TRANK1: variants seen among roughly 807,000 people sequenced by gnomAD.
The protein encoded by TRANK1 is tetratricopeptide repeat and ankyrin repeat containing 1, also known as TPR and ankyrin repeat-containing protein 1.
Under a neutral mutation model 266.0 loss-of-function variants are expected in TRANK1, and 198 were observed. That is an observed-to-expected ratio of 0.74 (90% confidence interval 0.66 to 0.84). The LOEUF (loss-of-function observed/expected upper bound fraction) is 0.84. Among genes scored for constraint, TRANK1 ranks in the 40% least tolerant of loss-of-function variants. The probability of loss-of-function intolerance (pLI) is 0.00; values close to 1 mark genes in which losing one functional copy is unlikely to be tolerated. For missense variants in TRANK1, 3,326 were observed against 3,634.6 expected (o/e 0.92, Z 2.18); for synonymous variants, 1,396 against 1,384.1 (o/e 1.01, Z -0.19).
chr3:36,845,822 G>A lies in TRANK1; in HGVS notation c.5191+426C>T, dbSNP rs149559348. ...TTGTAACTACAAACAGGGTTGTGAT[G>A]AGCATACTTACGCAGGTATCTTTGA... is the stretch of plus-strand genomic sequence containing the variant. On this transcript the variant is annotated intron_variant, in intron 17 of 23. Transcript: ENST00000645898. Among the ~76,000 whole-genome samples the A allele has an allele frequency of 7.2e-5, 11 of 152,312 alleles. 1 individual carries two copies. Among genetic ancestry groups the A allele is most frequent in the African/African-American group, 2.6e-4 (11 of 41,564 alleles).
rs766778275 is a variant in TRANK1 at position 36,857,532 on chromosome 3, G to A, written c.2190C>T (p.Asp730=). The part of the protein sequence containing the change: ...PGALRPCSLR[D]CLMQDITVLI... The stretch of plus-strand genomic sequence containing the variant: ...AAACTGTGATGTCCTGCATAAGGCA[G>A]TCTCTCAGCGAGCAGGGCCTGAGAG... Residue 730 remains aspartate, a synonymous_variant, in exon 13 of 24, where the codon GAC becomes GAT. Coordinates refer to ENST00000645898, the MANE Select transcript of TRANK1 (RefSeq NM_001329998.2). This position sits in a 1 kb window ranked among gnomAD's most constrained non-coding sequence, Gnocchi z 4.3. 2.5e-6 allele frequency: 4 copies of A among 1,613,916 alleles called. No homozygotes were observed. Among genetic ancestry groups the A allele is most frequent in the African/African-American group, 1.3e-5 (1 of 74,942 alleles).
At chr3:36,894,991 A>T (rs1261026465) in intron 5 of TRANK1, among the ~76,000 whole-genome samples, 1 of 152,232 alleles carries the variant, frequency 6.6e-6, no homozygotes, top group Admixed American at 6.5e-5. Context: ...ACATTACCTG[A>T]TAGGTGCTCT....
chr3:36,934,995 C>T (rs1223028433), intron 1 of TRANK1, among the ~76,000 whole-genome samples: 1 of 152,166 alleles, frequency 6.6e-6, no homozygotes, highest in Non-Finnish European at 1.5e-5. Context: ...CCAGCATGGC[C>T]TCTTCACCAC....
chr3:36,846,219 C>A, intron 17 of TRANK1, 29 bp downstream of exon 17: 1 of 1,535,964 alleles, frequency 6.5e-7, no homozygotes, highest in Non-Finnish European at 8.8e-7. Context: ...ATTCCTCCAT[C>A]AGTTAAGAGT....
At chr3:36,879,938 G>GTAAATATATAAATATATA (rs2079489698) in intron 8 of TRANK1, among the ~76,000 whole-genome samples, 2 of 12,414 alleles carry the variant, frequency 1.6e-4, no homozygotes, top group Non-Finnish European at 2.8e-4. Flanking sequence ...GCAAATATAT[G>GTAAATATATAAATATATA]TAAACATGCA....
intron 3 of TRANK1, among the ~76,000 whole-genome samples, chr3:36,900,846 T>G (rs1297127548): frequency 7.7e-5 from 1 of 13,064 alleles, no homozygotes; most frequent in African/African-American, 2.5e-4. Flanking sequence ...AGCAAGACCC[T>G]GTCTCAAAAA....
At chr3:36,907,630 A>G (rs2079991542) in intron 2 of TRANK1, among the ~76,000 whole-genome samples, 1 of 149,882 alleles carries the variant, frequency 6.7e-6, no homozygotes, top group Non-Finnish European at 1.5e-5. Flanking sequence ...ACACCCGGCT[A>G]ATCTGTTGTA....
intron 8 of TRANK1, among the ~76,000 whole-genome samples, chr3:36,882,688 CAA>C (rs978130181): frequency 2.5e-4 from 38 of 152,168 alleles, no homozygotes; most frequent in African/African-American, 9.2e-4. Flanking sequence ...CAAAAAACAA[CAA>C]AGTCAGAAGA....
intron 1 of TRANK1, among the ~76,000 whole-genome samples, chr3:36,930,387 C>T (rs1263374184): frequency 6.6e-6 from 1 of 152,158 alleles, no homozygotes; most frequent in Non-Finnish European, 1.5e-5. Flanking sequence ...TCTTTGCAGA[C>T]TTTCCCGGTA....
intron 1 of TRANK1, among the ~76,000 whole-genome samples, chr3:36,918,637 A>AAG (rs1178187048): frequency 7.2e-6 from 1 of 139,248 alleles, no homozygotes; most frequent in East Asian, 2.1e-4. Flanking sequence ...GAAAGAAAGA[A>AAG]AGAGAAAGAA....
intron 1 of TRANK1, among the ~76,000 whole-genome samples, chr3:36,943,100 G>C (rs2080519980): frequency 6.6e-6 from 1 of 151,908 alleles, no homozygotes; most frequent in Non-Finnish European, 1.5e-5. Flanking sequence ...GCTGCGGCAG[G>C]AGAATCGCTT....
intron 9 of TRANK1, among the ~76,000 whole-genome samples, chr3:36,869,465 C>T (rs2079274378): frequency 6.6e-6 from 1 of 152,166 alleles, no homozygotes; most frequent in South Asian, 2.1e-4. Context: ...AACTCAAATC[C>T]TAATGTTATT....
chr3:36,857,627 C>T lies in TRANK1; in HGVS notation c.2095G>A (p.Glu699Lys), dbSNP rs1217574188. 1.9e-6 allele frequency: 3 copies of T among 1,613,918 alleles called. No individual in the cohort carries two copies. ...CAGCTGTCAGGGACTGCACTTCCTTCAGGCAGTGTTCTGGCAGTGGCACCA... is the reference window on the plus strand; with the variant it reads ...CAGCTGTCAGGGACTGCACTTCCTTTAGGCAGTGTTCTGGCAGTGGCACCA... The part of the protein sequence containing the change: ...PCGATARTLP[E>K]GSAVPDSWET... Residue 699 changes from glutamate (E) to lysine (K), a missense_variant, in exon 13 of 24, where the codon GAA (glutamate) becomes AAA (lysine). By Grantham distance (56) the Glu-to-Lys change is moderately conservative. Transcript: ENST00000645898. The surrounding 1 kb of genome is among the most constrained non-coding windows in gnomAD (Gnocchi z 4.3).
At chr3:36,887,416 T>G (rs2125599102) in intron 8 of TRANK1, among the ~76,000 whole-genome samples, 1 of 152,330 alleles carries the variant, frequency 6.6e-6, no homozygotes, top group Admixed American at 6.5e-5. Flanking sequence ...TTTACATCTA[T>G]CTTAAAATGT....
chr3:36,923,111 G>A (rs1275370481), intron 1 of TRANK1, among the ~76,000 whole-genome samples: 1 of 152,132 alleles, frequency 6.6e-6, no homozygotes, highest in African/African-American at 2.4e-5. Flanking sequence ...TGCAGCCTAA[G>A]AACCATCCTA....
chr3:36,922,218 C>T (rs1466963365), intron 1 of TRANK1, among the ~76,000 whole-genome samples: 1 of 152,188 alleles, frequency 6.6e-6, no homozygotes, highest in Non-Finnish European at 1.5e-5. Flanking sequence ...ACTATTCTAT[C>T]TGGCTACTAT....
intron 9 of TRANK1, among the ~76,000 whole-genome samples, chr3:36,868,938 GAGA>G (rs1299076628): frequency 3.9e-5 from 6 of 152,222 alleles, no homozygotes; most frequent in Non-Finnish European, 7.3e-5. Flanking sequence ...GTAAATCAGA[GAGA>G]AGATCACAAA....
At chr3:36,872,576 T>C (rs569341578) in intron 9 of TRANK1, among the ~76,000 whole-genome samples, 107 of 152,276 alleles carry the variant, frequency 7.0e-4, no homozygotes, top group African/African-American at 2.5e-3. Context: ...AAAAGAGTTC[T>C]AGAAATTAAA....
At chr3:36,872,628 T>C (rs2125572265) in intron 9 of TRANK1, among the ~76,000 whole-genome samples, 1 of 152,102 alleles carries the variant, frequency 6.6e-6, no homozygotes, top group African/African-American at 2.4e-5. Context: ...ATGGACAAGA[T>C]AAATTATAAA....
Sources: allele counts gnomAD v4.1 joint callset (sites outside exome capture counted in the v4.1 genomes callset), GRCh38; gene constraint gnomAD v4.1.1; non-coding constraint Gnocchi (gnomAD v3.1); transcripts MANE v1.5; gene names NCBI Gene and HGNC (gene_info 2026-07-23, HGNC 2026-07-21).